The following COL2A1 variants were observed in gnomAD, a reference collection of about 807,000 sequenced individuals.
COL2A1 encodes collagen alpha-1(II) chain.
A neutral mutation model predicts 204.5 loss-of-function variants in COL2A1; 28 were observed. The observed-to-expected ratio is 0.14, with a 90% CI of 0.10 to 0.19. The LOEUF (loss-of-function observed/expected upper bound fraction) is 0.19. Ranked by LOEUF, COL2A1 falls within the 10% of genes least tolerant of loss-of-function variation. COL2A1 has a pLI of 1.00. For synonymous variants in COL2A1, 708 were observed against 718.7 expected (o/e 0.99, Z 0.24); for missense variants, 1,388 against 2,027.5 (o/e 0.68, Z 6.06).
intron 2 of COL2A1, among the ~76,000 whole-genome samples, chr12:47,999,015 G>A (rs756949216): frequency 1.9e-4 from 29 of 152,140 alleles, no homozygotes; most frequent in Non-Finnish European, 3.4e-4. Flanking sequence ...TCACTCACAC[G>A]GGCCCCTCAG....
intron 18 of COL2A1, 86 bp downstream of exon 18, chr12:47,989,139 GGTT>G: frequency 5.5e-6 from 6 of 1,088,834 alleles, no homozygotes; most frequent in Non-Finnish European, 8.3e-6. Context: ...GGGAGCAGGT[GGTT>G]GTTGAGGGAG....
Position 47,974,962 on chromosome 12 carries a change from G to A in COL2A1, c.3887-100C>T. 3.2e-6 allele frequency: 4 copies of A among 1,248,196 alleles called. No homozygotes were observed. In the South Asian group the frequency reaches 4.3e-5, roughly 13 times the overall value. The allele number at this position is 1,248,196 out of a possible 1,614,324, so 77.3% of individuals were successfully genotyped here. On this transcript the variant is annotated intron_variant, in intron 51 of 53. Transcript: ENST00000380518. ...ACTGAAAGAGACAGAGAGGCCTACAGGGACAAGGGATGAGGTTCACATGTG... is the reference window on the plus strand; with the variant it reads ...ACTGAAAGAGACAGAGAGGCCTACAAGGACAAGGGATGAGGTTCACATGTG...
chr12:47,986,117 G>A (rs904796751), intron 23 of COL2A1, 152 bp from the exon 24 acceptor site: 4 of 858,872 alleles, frequency 4.7e-6, no homozygotes, highest in East Asian at 5.3e-5. Flanking sequence ...TCTGGAGCCT[G>A]CCCCGCTTCC....
At chr12:47,981,946 C>T in intron 35 of COL2A1, 117 bp from the exon 36 acceptor site, 1 of 1,317,530 alleles carries the variant, frequency 7.6e-7, no homozygotes, top group African/African-American at 1.4e-5. Context: ...CCCACTTACC[C>T]TCTGGCCCCA....
intron 16 of COL2A1, among the ~76,000 whole-genome samples, chr12:47,990,362 A>G (rs1262405867): frequency 6.6e-6 from 1 of 152,224 alleles, no homozygotes; most frequent in Non-Finnish European, 1.5e-5. Context: ...ACTTCAGTTC[A>G]GACCCCAAAT....
rs957440179 is a variant in COL2A1 at position 47,978,484 on chromosome 12, C to T, written c.2896-86G>A. ...GCACAGCTCTGTCTGTGCAGCCCCG[C>T]TCCCTGGCATCCCCACGGCCCCTGC... On this transcript the variant is annotated intron_variant, in intron 42 of 53. Coordinates refer to ENST00000380518, the MANE Select transcript of COL2A1 (RefSeq NM_001844.5). This position sits in a 1 kb window ranked among gnomAD's most constrained non-coding sequence, Gnocchi z 5.5. 1.3e-6 allele frequency: 2 copies of T among 1,575,968 alleles called. No individual in the cohort carries two copies. The highest frequency in any genetic ancestry group is 1.7e-6 in the Non-Finnish European group (2 of 1,155,766).
intron 53 of COL2A1, among the ~76,000 whole-genome samples, 164 bp downstream of exon 53, chr12:47,973,923 CCT>C (rs1463650370): frequency 1.3e-5 from 2 of 152,270 alleles, no homozygotes; most frequent in South Asian, 2.1e-4. Flanking sequence ...ATGATATGTG[CCT>C]CTCTCTCACC....
In COL2A1 at chr12:48,000,546, C is replaced by T. The variant is rs1369134644; in HGVS notation, c.86-421G>A. On this transcript the variant is annotated intron_variant, in intron 1 of 53. Transcript: ENST00000380518. ...AAAAAGAAAGGAGACAGAAAAATGG[C>T]GAGACCTCCCTTCCACCAGCCCAGG... Among the ~76,000 whole-genome samples the T allele has an allele frequency of 3.3e-5, 5 of 152,204 alleles. No homozygotes were observed. In the South Asian group the frequency reaches 1.0e-3, roughly 32 times the overall value.
chr12:47,993,961 C>G, intron 13 of COL2A1, 33 bp downstream of exon 13: 9 of 1,614,126 alleles, frequency 5.6e-6, no homozygotes, highest in Non-Finnish European at 7.6e-6. Flanking sequence ...CCAGGCATCT[C>G]TTCCTTCCAA....
At chr12:47,979,916 G>T in intron 40 of COL2A1, 93 bp downstream of exon 40, 1 of 1,137,518 alleles carries the variant, frequency 8.8e-7, no homozygotes, top group Non-Finnish European at 1.2e-6. Flanking sequence ...TGGGAAAACA[G>T]TCGGGGGCAT....
chr12:47,979,987 G>C, intron 40 of COL2A1, 22 bp downstream of exon 40: 5 of 1,548,434 alleles, frequency 3.2e-6, no homozygotes, highest in Non-Finnish European at 4.4e-6. Context: ...GTGCAGGGTG[G>C]GGTGTCAGAG....
chr12:47,977,899 C>T, intron 44 of COL2A1, 111 bp downstream of exon 44: 1 of 1,102,490 alleles, frequency 9.1e-7, no homozygotes, highest in African/African-American at 1.5e-5. Flanking sequence ...GCCGACACTG[C>T]CACCCCCTTC....
chr12:47,995,887 A>G lies in COL2A1; in HGVS notation c.642T>C (p.Pro214=). ...GPMGPRGPPG[P]AGAPGPQGFQ... ...TGCAGATACTTACAGGAGCACCTGC[A>G]GGGCCTGGAGGTCCTCGAGGTCCCA... The change falls in exon 9 of 54, where the codon CCT becomes CCC. Residue 214 remains proline, a synonymous_variant. Transcript: ENST00000380518. The G allele has an allele frequency of 6.2e-7, 1 of 1,613,604 alleles. No homozygotes were observed. Among genetic ancestry groups the G allele is most frequent in the Non-Finnish European group, 8.5e-7 (1 of 1,179,444 alleles).
In COL2A1 at chr12:47,974,726, G is replaced by A. The variant is rs762678071; in HGVS notation, c.4023C>T (p.Ser1341=). 1.9e-6 allele frequency: 3 copies of A among 1,614,224 alleles called. No homozygotes were observed. Among genetic ancestry groups the A allele is most frequent in the Non-Finnish European group, 2.5e-6 (3 of 1,180,038 alleles). The change falls in exon 52 of 54, where the codon AGC becomes AGT. Residue 1341 remains serine (S), a synonymous_variant. Coordinates refer to ENST00000380518, the MANE Select transcript of COL2A1 (RefSeq NM_001844.5). ...CAAACCAGATGTGTTTCTTCTCCTT[G>A]CTCTTGCTGCTCCACCAGTTCTTCT... ...VPKKNWWSSK[S]KEKKHIWFGE...
chr12:47,984,583 G>A lies in COL2A1; in HGVS notation c.1850C>T (p.Ala617Val), dbSNP rs760648920. The A allele has an allele frequency of 6.2e-7, 1 of 1,614,168 alleles. No individual in the cohort carries two copies. ...PKGANGEPGK[A>V]GEKGLPGAPG... ...AGCACCAGGCAGTCCCTTCTCACCA[G>A]CTTTGCCAGGCTCACCCTGAAGGAA... Residue 617 changes from alanine to valine, a missense_variant, in exon 28 of 54, where the codon GCT becomes GTT. Physicochemically the swap from Ala to Val is moderately conservative, Grantham distance 64. Around this residue, in one of 3 missense-constraint regions of COL2A1, gnomAD observed 884 missense variants for 1,415.8 expected, o/e 0.62. Coordinates refer to ENST00000380518, the MANE Select transcript of COL2A1 (RefSeq NM_001844.5).
chr12:47,999,549 G>C (rs972213378), intron 2 of COL2A1: 32 of 261,114 alleles, frequency 1.2e-4, no homozygotes, highest in Non-Finnish European at 2.3e-4. Context: ...CGGTGGCAGA[G>C]GAGGAATTAA....
intron 33 of COL2A1, 49 bp downstream of exon 33, chr12:47,982,799 G>A: frequency 6.6e-7 from 1 of 1,513,692 alleles, no homozygotes; most frequent in Non-Finnish European, 9.1e-7. Context: ...CTGCTCAGTG[G>A]GACTCCCAGG....
chr12:47,974,388 G>T lies in COL2A1; in HGVS notation c.4075-57C>A, dbSNP rs41272765. On this transcript the variant is annotated intron_variant, in intron 52 of 53. Coordinates refer to ENST00000380518, the MANE Select transcript of COL2A1 (RefSeq NM_001844.5). The stretch of plus-strand genomic sequence containing the variant: ...TGGGAGCTGGCATTCAATGGGACCA[G>T]GGGCTGTAGGGGCTGCCAAGAGTTC... 8.3e-4 allele frequency: 1,332 copies of T among 1,599,172 alleles called. 19 individuals are homozygous for T. In the African/African-American group the frequency reaches 0.016, roughly 19 times the overall value.
chr12:47,990,867 G>A lies in COL2A1; in HGVS notation c.1024-1062C>T, dbSNP rs548740776. Among the ~76,000 whole-genome samples, 15 of 152,296 alleles carry A rather than the reference G, an allele frequency of 9.8e-5. No individual in the cohort carries two copies. In the South Asian group the frequency reaches 2.7e-3, roughly 27 times the overall value. On this transcript the variant is annotated intron_variant, in intron 16 of 53. Transcript: ENST00000380518. ...AACTCTGGGGGCCACAGGCTGGGTG[G>A]AGCTGGGCCTAGGGCCTGACTGAGC...
Sources: gnomAD v4.1 joint callset for allele counts (sites outside exome capture counted in the v4.1 genomes callset) on GRCh38, gnomAD v4.1.1 for gene constraint, gnomAD v4.1.1 regional missense constraint, Gnocchi (gnomAD v3.1) non-coding constraint, MANE v1.5 for transcripts, NCBI Gene and HGNC (gene_info 2026-07-23, HGNC 2026-07-21) for gene names.